The following GABRB1 variants were observed in gnomAD, a reference collection of about 807,000 sequenced individuals.
GABRB1 encodes the protein gamma-aminobutyric acid type A receptor subunit beta1.
GABRB1 carries 17 observed loss-of-function variants against 51.6 expected under a neutral mutation model. The observed-to-expected ratio is 0.33, with a 90% CI of 0.23 to 0.49. The LOEUF (loss-of-function observed/expected upper bound fraction) is 0.49. Among genes scored for constraint, GABRB1 ranks in the 20% least tolerant of loss-of-function variants. The probability of loss-of-function intolerance (pLI) is 0.99; values close to 1 mark genes in which losing one functional copy is unlikely to be tolerated. For synonymous variants in GABRB1, 247 were observed against 218.9 expected, an observed-to-expected ratio of 1.13 and a Z score of -1.14; for missense variants, 410 against 600.6, an observed-to-expected ratio of 0.68 and a Z score of 3.32.
Position 47,246,297 on chromosome 4 carries a change from T to TAC in GABRB1, c.462-73829_462-73828insCA, listed in dbSNP as rs1210848598. ...TCCATCATATATATATATATATATATATACACACACACACACACACACACA... is the reference window on the plus strand; with the variant it reads ...TCCATCATATATATATATATATATATACATACACACACACACACACACACACA... On this transcript the variant is annotated intron_variant, in intron 4 of 8. Transcript: ENST00000295454. Among the ~76,000 whole-genome samples, 38 of 89,324 alleles carry TAC rather than the reference T, an allele frequency of 4.3e-4. 1 individual carries two copies. The highest frequency in any genetic ancestry group is 1.3e-3 in the African/African-American group (28 of 22,218). 58.6% of individuals were successfully genotyped at this position (89,324 alleles called of 152,430 possible).
At chr4:47,358,403 ATAGAGAGAGAGAGAGT>A (rs1726668689) in intron 5 of GABRB1, among the ~76,000 whole-genome samples, 1 of 150,902 alleles carries the variant, frequency 6.6e-6, no homozygotes, top group African/African-American at 2.4e-5. Flanking sequence ...ATATATATAT[ATAGAGAGAGAGAGAGT>A]GAGAGAGAGA....
intron 1 of GABRB1, among the ~76,000 whole-genome samples, chr4:47,020,419 T>C (rs1724897500): frequency 6.6e-6 from 1 of 152,178 alleles, no homozygotes; most frequent in Non-Finnish European, 1.5e-5. Context: ...GACATGGAGT[T>C]ACCCTGCTGC....
intron 8 of GABRB1, among the ~76,000 whole-genome samples, chr4:47,418,059 C>T (rs916704485): frequency 6.6e-6 from 1 of 152,150 alleles, no homozygotes; most frequent in Non-Finnish European, 1.5e-5. Flanking sequence ...TCTGTAAATT[C>T]ACTTCAGATT....
intron 3 of GABRB1, among the ~76,000 whole-genome samples, chr4:47,062,630 G>A (rs1331597404): frequency 6.6e-6 from 1 of 151,984 alleles, no homozygotes; most frequent in South Asian, 2.1e-4. Flanking sequence ...ACATTCAAAA[G>A]ATTTTTCTAT....
chr4:47,019,549 T>TTCTCTC (rs142639522), intron 1 of GABRB1, among the ~76,000 whole-genome samples: 28,126 of 128,620 alleles, frequency 0.22, 3,862 homozygotes, highest in East Asian at 0.32. Flanking sequence ...CAGGTTTAGT[T>TTCTCTC]TCTCTCTCTC....
At chr4:47,342,754 C>A (rs1305415649) in intron 5 of GABRB1, among the ~76,000 whole-genome samples, 3 of 152,024 alleles carry the variant, frequency 2.0e-5, no homozygotes, top group Non-Finnish European at 4.4e-5. Flanking sequence ...TAGCATGACA[C>A]CAAAGTACAA....
rs564200546 is a variant in GABRB1 at position 47,239,137 on chromosome 4, G to A, written c.461+77668G>A. On this transcript the variant is annotated intron_variant, in intron 4 of 8. Coordinates refer to ENST00000295454, the MANE Select transcript of GABRB1 (RefSeq NM_000812.4). Reference sequence around the variant, plus strand: ...CAGTAAAACTGATATTAAATGTTCAGCTTGATGCAGTTTTACAAATGTGTA... The same window carrying A: ...CAGTAAAACTGATATTAAATGTTCAACTTGATGCAGTTTTACAAATGTGTA... Among the ~76,000 whole-genome samples, 171 of 152,214 alleles carry A rather than the reference G, an allele frequency of 1.1e-3. 1 individual carries two copies. The highest frequency in any genetic ancestry group is 1.7e-3 in the Non-Finnish European group (114 of 68,000).
intron 3 of GABRB1, among the ~76,000 whole-genome samples, chr4:47,073,770 C>T (rs1727438513): frequency 6.6e-6 from 1 of 152,224 alleles, no homozygotes; most frequent in Non-Finnish European, 1.5e-5. Context: ...CCTAGAGTGC[C>T]TTTGTAGTGA....
At chr4:47,031,790 G>A in intron 1 of GABRB1, 59 bp downstream of exon 1, 1 of 1,548,770 alleles carries the variant, frequency 6.5e-7, no homozygotes, top group Non-Finnish European at 8.9e-7. Context: ...TTCTTGGTAT[G>A]TTTCTTTTTA....
intron 3 of GABRB1, among the ~76,000 whole-genome samples, chr4:47,094,109 C>A (rs1482924803): frequency 6.6e-6 from 1 of 151,622 alleles, no homozygotes; most frequent in Non-Finnish European, 1.5e-5. Context: ...AGCCTTACCT[C>A]AACCAAGGAA....
chr4:47,196,596 G>T (rs558303744), intron 4 of GABRB1, among the ~76,000 whole-genome samples: 2 of 152,268 alleles, frequency 1.3e-5, no homozygotes, highest in African/African-American at 4.8e-5. Flanking sequence ...TGGAGTTATG[G>T]CTCACCAAAG....
At chr4:47,364,050 C>T (rs1334348266) in intron 5 of GABRB1, among the ~76,000 whole-genome samples, 3 of 152,130 alleles carry the variant, frequency 2.0e-5, no homozygotes, top group Admixed American at 6.5e-5. Flanking sequence ...TTTATCTGAT[C>T]GCTGGAGATA....
intron 4 of GABRB1, among the ~76,000 whole-genome samples, chr4:47,283,509 C>T (rs1723379640): frequency 6.7e-6 from 1 of 150,374 alleles, no homozygotes; most frequent in African/African-American, 2.4e-5. Context: ...CCTCAGCCTC[C>T]CGAGTAGCTG....
At chr4:47,180,945 C>G (rs993071733) in intron 4 of GABRB1, among the ~76,000 whole-genome samples, 10 of 151,908 alleles carry the variant, frequency 6.6e-5, no homozygotes, top group Non-Finnish European at 1.2e-4. Flanking sequence ...AGAATGTTCT[C>G]TCTATTATTG....
chr4:47,290,560 C>T (rs570254424), intron 4 of GABRB1, among the ~76,000 whole-genome samples: 11 of 152,110 alleles, frequency 7.2e-5, no homozygotes, highest in East Asian at 3.9e-4. Context: ...CAGAAGAAGA[C>T]AGAAAAATGT....
intron 3 of GABRB1, among the ~76,000 whole-genome samples, chr4:47,109,219 A>T (rs1715116530): frequency 6.6e-6 from 1 of 152,096 alleles, no homozygotes; most frequent in African/African-American, 2.4e-5. Flanking sequence ...ACCAGATAGA[A>T]GAGTATTTGT....
At chr4:47,385,955 T>TG (rs1272661370) in intron 5 of GABRB1, among the ~76,000 whole-genome samples, 1 of 152,162 alleles carries the variant, frequency 6.6e-6, no homozygotes, top group Non-Finnish European at 1.5e-5. Context: ...CAGGGAGTTG[T>TG]GGGGGTGCAA....
chr4:47,055,526 T>C (rs775391002), intron 3 of GABRB1, among the ~76,000 whole-genome samples: 14 of 152,142 alleles, frequency 9.2e-5, no homozygotes, highest in Non-Finnish European at 2.1e-4. Context: ...GTTAATTACA[T>C]TCCCCGAACA....
At chr4:47,121,253 T>C (rs1350318650) in intron 3 of GABRB1, among the ~76,000 whole-genome samples, 1 of 152,086 alleles carries the variant, frequency 6.6e-6, no homozygotes, top group Non-Finnish European at 1.5e-5. Context: ...GGAGTGAGTT[T>C]TAATGCAAAG....
Sources: gnomAD v4.1 joint callset for allele counts (sites outside exome capture counted in the v4.1 genomes callset) on GRCh38, gnomAD v4.1.1 for gene constraint, MANE v1.5 for transcripts, NCBI Gene and HGNC (gene_info 2026-07-23, HGNC 2026-07-21) for gene names.